Variants in MTMR3 observed in about 807,000 individuals in gnomAD.
MTMR3 encodes phosphatidylinositol-3,5-bisphosphate 3-phosphatase MTMR3.
A neutral mutation model predicts 132.4 loss-of-function variants in MTMR3; 32 were observed. The observed-to-expected ratio is 0.24, with a 90% CI of 0.18 to 0.32. The LOEUF (loss-of-function observed/expected upper bound fraction) is 0.32. MTMR3 is among the 10% of genes least tolerant of loss of function. The pLI is 1.00. For synonymous variants in MTMR3, 556 were observed against 550.3 expected (o/e 1.01, Z -0.14); for missense variants, 1,216 against 1,489.6 (o/e 0.82, Z 3.02).
chr22:29,912,301 G>A (rs1472272493), intron 1 of MTMR3, among the ~76,000 whole-genome samples: 1 of 152,078 alleles, frequency 6.6e-6, no homozygotes, highest in Non-Finnish European at 1.5e-5. Context: ...AATGAATGAA[G>A]AAATGAATGA....
At chr22:29,982,937 T>TTTTTTTTTTTTTTTTGTGTGTGTGTG (rs752531735) in intron 5 of MTMR3, 1 of 146,280 alleles carries the variant, frequency 6.8e-6, no homozygotes, top group African/African-American at 2.6e-5. Context: ...AAAAGTTTGT[T>TTTTTTTTTTTTTTTTGTGTGTGTGTG]TGTGTGTGTG....
intron 3 of MTMR3, among the ~76,000 whole-genome samples, chr22:29,973,332 CAT>C (rs1277969089): frequency 6.6e-6 from 1 of 152,208 alleles, no homozygotes; most frequent in Non-Finnish European, 1.5e-5. Context: ...ACAGTGCACT[CAT>C]ATGAACATCA....
At chr22:29,892,780 TG>T (rs1444037539) in intron 1 of MTMR3, among the ~76,000 whole-genome samples, 2 of 152,238 alleles carry the variant, frequency 1.3e-5, no homozygotes, top group African/African-American at 4.8e-5. Context: ...ATTACTTTTT[TG>T]CCAGTTAAAA....
intron 1 of MTMR3, among the ~76,000 whole-genome samples, chr22:29,913,152 G>A (rs1344224171): frequency 6.6e-6 from 1 of 152,110 alleles, no homozygotes; most frequent in African/African-American, 2.4e-5. Context: ...GGAAGCTGAG[G>A]TAGGAGAGTT....
rs1256689376 is a variant in MTMR3 at position 30,007,140 on chromosome 22, C to T, written c.698C>T (p.Ala233Val). Residue 233 changes from alanine (A) to valine (V), a missense_variant, in exon 10 of 20, where the codon GCC becomes GTC. Coordinates refer to ENST00000401950, the MANE Select transcript of MTMR3 (RefSeq NM_021090.4). ...CACCAGAGCAATGGAGCTGTCATTG[C>T]CCGCTGTGGACAGCCAGAGGTTAGC... ...YRHQSNGAVI[A>V]RCGQPEVSWW... 4 of 1,613,952 alleles carry T rather than the reference C, an allele frequency of 2.5e-6. No homozygotes were observed. Among genetic ancestry groups the T allele is most frequent in the Non-Finnish European group, 3.4e-6 (4 of 1,179,992 alleles).
chr22:30,020,908 C>T (rs1227350065), intron 17 of MTMR3, 24 bp downstream of exon 17: 4 of 1,546,150 alleles, frequency 2.6e-6, no homozygotes, highest in Non-Finnish European at 3.5e-6. Flanking sequence ...GGTATTCCTC[C>T]ATAGCTGCCC....
At chr22:30,012,679 T>C (rs992934710) in intron 13 of MTMR3, 116 bp downstream of exon 13, 1 of 1,171,986 alleles carries the variant, frequency 8.5e-7, no homozygotes, top group Non-Finnish European at 1.2e-6. Context: ...ATTTCTGTTT[T>C]GGTCATTGTT....
chr22:30,020,450 G>A lies in MTMR3; in HGVS notation c.2791G>A (p.Ala931Thr). 6.2e-7 allele frequency: 1 copy of A among 1,614,138 alleles called. No individual in the cohort carries two copies. The highest frequency in any genetic ancestry group is 8.5e-7 in the Non-Finnish European group (1 of 1,180,026). ...TAAAGAGGGGCTTGTGTGCAATGGT[G>A]CCCCAGAGACTGAAAACAGGGCCTC... ...ECKEGLVCNG[A>T]PETENRASEQ... Residue 931 changes from alanine to threonine, a missense_variant, in exon 17 of 20, where the codon GCC (alanine) becomes ACC (threonine). Coordinates refer to ENST00000401950, the MANE Select transcript of MTMR3 (RefSeq NM_021090.4).
intron 1 of MTMR3, among the ~76,000 whole-genome samples, chr22:29,916,746 T>C (rs1235102407): frequency 6.6e-6 from 1 of 152,240 alleles, no homozygotes; most frequent in African/African-American, 2.4e-5. Context: ...ATACATTGCA[T>C]TCTGCGGGCA....
intron 14 of MTMR3, chr22:30,013,783 G>T: frequency 5.6e-6 from 2 of 358,676 alleles, no homozygotes; most frequent in Non-Finnish European, 1.0e-5. Context: ...TTAAAGGGAT[G>T]GTAGAAACCC....
intron 1 of MTMR3, among the ~76,000 whole-genome samples, chr22:29,899,204 A>G (rs2064959951): frequency 6.6e-6 from 1 of 152,070 alleles, no homozygotes; most frequent in South Asian, 2.1e-4. Flanking sequence ...ATCAGGAAAC[A>G]CTCATACTTG....
chr22:29,973,151 T>A (rs1274687738), intron 3 of MTMR3, among the ~76,000 whole-genome samples: 4 of 152,268 alleles, frequency 2.6e-5, no homozygotes, highest in African/African-American at 7.2e-5. Flanking sequence ...ACATTCTTTT[T>A]GTTTTTAACT....
chr22:30,002,866 C>T lies in MTMR3; in HGVS notation c.558-14C>T. The T allele has an allele frequency of 6.2e-7, 1 of 1,601,530 alleles. No homozygotes were observed. The highest frequency in any genetic ancestry group is 8.6e-7 in the Non-Finnish European group (1 of 1,168,828). ...TATCCCCTTGACTCTCCCCACTTCT[C>T]ATCTTCTCTTTAGATTATGTGGTAG... On this transcript the variant is annotated splice_polypyrimidine_tract_variant and intron_variant, in intron 8 of 19. Transcript: ENST00000401950.
At chr22:29,978,909 C>A in intron 4 of MTMR3, 27 bp from the exon 5 acceptor site, 1 of 1,470,284 alleles carries the variant, frequency 6.8e-7, no homozygotes, top group Non-Finnish European at 9.5e-7. Context: ...TGCTTCAGAA[C>A]TCTGAAGGGT....
chr22:29,891,935 A>T (rs2064807332), intron 1 of MTMR3, among the ~76,000 whole-genome samples: 1 of 151,928 alleles, frequency 6.6e-6, no homozygotes, highest in African/African-American at 2.4e-5. Flanking sequence ...CAGACGGATC[A>T]TGAGGTCAGG....
intron 1 of MTMR3, among the ~76,000 whole-genome samples, chr22:29,931,920 G>T (rs2065655436): frequency 6.6e-6 from 1 of 151,932 alleles, no homozygotes; most frequent in African/African-American, 2.4e-5. Context: ...ACTCCTGACA[G>T]CCAGCTCTTT....
chr22:30,020,264 G>T lies in MTMR3; in HGVS notation c.2605G>T (p.Val869Leu), dbSNP rs1387457938. ...GPQGHHRSCL[V>L]NSGKDRLPQT... The stretch of plus-strand genomic sequence containing the variant: ...CCAAGGTCATCATAGATCTTGCCTT[G>T]TAAATAGTGGCAAGGACAGGCTTCC... Residue 869 changes from valine (V) to leucine (L), a missense_variant, in exon 17 of 20, where the codon GTA becomes TTA. Around this residue, in one of 7 missense-constraint regions of MTMR3, gnomAD observed 852 missense variants for 852.0 expected, o/e 1.00. Coordinates refer to ENST00000401950, the MANE Select transcript of MTMR3 (RefSeq NM_021090.4). 6.2e-7 allele frequency: 1 copy of T among 1,614,234 alleles called. No homozygotes were observed. The highest frequency in any genetic ancestry group is 8.5e-7 in the Non-Finnish European group (1 of 1,180,038).
At position 29,951,446 on chromosome 22, in the gene MTMR3, T is replaced by C. The variant is rs185633762; in HGVS notation, c.-137-5590T>C. The stretch of plus-strand genomic sequence containing the variant: ...GGTTGGTTTACTTACAGTTAATCTT[T>C]TCTGAGAACATGGTCAGGGCTGCCT... On this transcript the variant is annotated intron_variant, in intron 1 of 19. Coordinates refer to ENST00000401950, the MANE Select transcript of MTMR3 (RefSeq NM_021090.4). Among the ~76,000 whole-genome samples the C allele has an allele frequency of 5.3e-5, 8 of 152,322 alleles. No homozygotes were observed. The East Asian group carries it at 1.4e-3, about 26-fold the overall frequency.
At chr22:30,003,107 C>A in intron 9 of MTMR3, 114 bp downstream of exon 9, 1 of 734,760 alleles carries the variant, frequency 1.4e-6, no homozygotes, top group East Asian at 2.5e-5. Flanking sequence ...AGAGAACTTT[C>A]TAGGCAAGGC....
Sources: allele counts gnomAD v4.1 joint callset (sites outside exome capture counted in the v4.1 genomes callset), GRCh38; gene constraint gnomAD v4.1.1; regional missense constraint gnomAD v4.1.1; transcripts MANE v1.5; gene names NCBI Gene and HGNC (gene_info 2026-07-23, HGNC 2026-07-21).